The following WDR72 variants were observed in gnomAD, a reference collection of about 807,000 sequenced individuals.
The protein encoded by WDR72 is WD repeat domain 72.
WDR72 carries 120 observed loss-of-function variants against 124.2 expected under a neutral mutation model. The observed-to-expected ratio is 0.97, with a 90% CI of 0.83 to 1.12. The LOEUF (loss-of-function observed/expected upper bound fraction) is 1.12. Ranked by LOEUF, WDR72 falls within the 50% of genes most tolerant of loss-of-function variation. The probability of loss-of-function intolerance (pLI) is 0.00; values close to 1 mark genes in which losing one functional copy is unlikely to be tolerated. For missense variants in WDR72, 1,387 were observed against 1,278.8 expected, an observed-to-expected ratio of 1.08 and a Z score of -1.29; for synonymous variants, 452 against 441.7, an observed-to-expected ratio of 1.02 and a Z score of -0.29.
intron 14 of WDR72, among the ~76,000 whole-genome samples, chr15:53,656,299 G>C (rs689800): frequency 5.3e-5 from 8 of 152,142 alleles, no homozygotes; most frequent in Non-Finnish European, 1.2e-4. Context: ...CAGAGAACTG[G>C]TGGTGCCTTC....
chr15:53,596,096 T>A (rs1566975621), intron 18 of WDR72, among the ~76,000 whole-genome samples: 2 of 152,156 alleles, frequency 1.3e-5, no homozygotes. Context: ...AGATTTAACA[T>A]TTCATATGTA....
chr15:53,609,791 C>A (rs966469909), intron 16 of WDR72, among the ~76,000 whole-genome samples, 199 bp from the exon 17 acceptor site: 1 of 151,746 alleles, frequency 6.6e-6, no homozygotes, highest in Non-Finnish European at 1.5e-5. Context: ...GTAAAAGTGC[C>A]ACAGATGATT....
chr15:53,528,259 T>C (rs1892236587), intron 18 of WDR72, among the ~76,000 whole-genome samples: 1 of 152,076 alleles, frequency 6.6e-6, no homozygotes, highest in African/African-American at 2.4e-5. Context: ...AGAGTATCTA[T>C]TCAGATAATC....
intron 14 of WDR72, among the ~76,000 whole-genome samples, chr15:53,639,136 C>A (rs183939003): frequency 6.6e-6 from 1 of 152,112 alleles, no homozygotes; most frequent in African/African-American, 2.4e-5. Flanking sequence ...TCTTTCCCTT[C>A]TCTGAATCCC....
intron 18 of WDR72, among the ~76,000 whole-genome samples, chr15:53,561,923 C>T (rs1396386365): frequency 6.6e-6 from 1 of 151,696 alleles, no homozygotes; most frequent in Non-Finnish European, 1.5e-5. Flanking sequence ...TTTTGTTTAT[C>T]TTTTTATGGT....
At chr15:53,610,407 T>C (rs1410841511) in intron 16 of WDR72, among the ~76,000 whole-genome samples, 1 of 152,032 alleles carries the variant, frequency 6.6e-6, no homozygotes, top group Non-Finnish European at 1.5e-5. Context: ...TCCTGAGAGA[T>C]AGGGAAGACT....
At position 53,665,586 on chromosome 15, in the gene WDR72, C is replaced by T. The variant is rs892480310; in HGVS notation, c.1948G>A (p.Glu650Lys). 3.7e-6 allele frequency: 6 copies of T among 1,613,766 alleles called. No individual in the cohort carries two copies. Among genetic ancestry groups the T allele is most frequent in the Non-Finnish European group, 5.1e-6 (6 of 1,179,808 alleles). Residue 650 changes from glutamate to lysine, a missense_variant, in exon 14 of 20, where the codon GAG becomes AAG. Coordinates refer to ENST00000360509, the MANE Select transcript of WDR72 (RefSeq NM_182758.4). ...GPLPCPGLQV[E>K]SSCKVTDAKF... ...TTTGAACTTACCTTACATGAAGACT[C>T]CACCTGCAGACCAGGGCAAGGTAAT...
chr15:53,684,399 A>C (rs1292306607), intron 13 of WDR72: 2 of 153,806 alleles, frequency 1.3e-5, no homozygotes, highest in Non-Finnish European at 2.9e-5. Flanking sequence ...TCACTCGGGA[A>C]GCACAAGGGG....
intron 18 of WDR72, among the ~76,000 whole-genome samples, chr15:53,546,892 G>T (rs1307912025): frequency 6.6e-6 from 1 of 152,116 alleles, no homozygotes; most frequent in Admixed American, 6.5e-5. Flanking sequence ...TGAAAATCTA[G>T]ATTAAACAAG....
chr15:53,617,950 T>C (rs1440193908), intron 14 of WDR72, among the ~76,000 whole-genome samples: 3 of 152,016 alleles, frequency 2.0e-5, no homozygotes, highest in Non-Finnish European at 4.4e-5. Context: ...ACATGTTTTA[T>C]TTCTGGATCT....
At chr15:53,579,126 A>G (rs2011779054) in intron 18 of WDR72, among the ~76,000 whole-genome samples, 1 of 152,072 alleles carries the variant, frequency 6.6e-6, no homozygotes. Context: ...AGAGTAGACA[A>G]GTGCCAGGTG....
chr15:53,682,724 C>T (rs1287376251), intron 13 of WDR72, among the ~76,000 whole-genome samples: 1 of 152,132 alleles, frequency 6.6e-6, no homozygotes, highest in Non-Finnish European at 1.5e-5. Flanking sequence ...ATTCCAGTTC[C>T]CAACATATAC....
intron 14 of WDR72, among the ~76,000 whole-genome samples, chr15:53,617,418 G>A (rs954154401): frequency 1.3e-5 from 2 of 151,158 alleles, no homozygotes; most frequent in Non-Finnish European, 3.0e-5. Flanking sequence ...TTGTGTTTTT[G>A]GTTTGGTTTT....
chr15:53,525,964 TG>T (rs1190308829), intron 18 of WDR72, among the ~76,000 whole-genome samples: 3 of 152,046 alleles, frequency 2.0e-5, no homozygotes, highest in African/African-American at 7.2e-5. Flanking sequence ...ACTTTTTCCT[TG>T]TTTGTTTGAT....
intron 14 of WDR72, among the ~76,000 whole-genome samples, chr15:53,660,918 G>A (rs564582157): frequency 6.6e-6 from 1 of 152,242 alleles, no homozygotes; most frequent in Admixed American, 6.5e-5. Flanking sequence ...GAAAAGGGAG[G>A]TGTTGACTAT....
chr15:53,665,467 T>A (rs1264865607), intron 14 of WDR72, 105 bp downstream of exon 14: 80 of 1,294,878 alleles, frequency 6.2e-5, no homozygotes, highest in Non-Finnish European at 8.3e-5. Context: ...GTCTCTTAGT[T>A]CTTGTTTTCA....
In WDR72 at chr15:53,705,145, C is replaced by A. The variant is rs921800187; in HGVS notation, c.1191G>T (p.Gly397=). The A allele has an allele frequency of 1.9e-6, 3 of 1,613,920 alleles. No individual in the cohort carries two copies. In the African/African-American group the frequency reaches 4.0e-5, roughly 22 times the overall value. ...CAGCAGTTCCTGCCCCATCTTTAAG[C>A]CCAGAGAAATAGTCAATAATACTTT... The part of the protein sequence containing the change: ...MSQSIIDYFS[G]LKDGAGTAVV... Residue 397 remains glycine (G), a synonymous_variant, in exon 11 of 20, where the codon GGG becomes GGT. Transcript: ENST00000360509.
intron 18 of WDR72, among the ~76,000 whole-genome samples, chr15:53,528,306 T>C (rs994423490): frequency 2.0e-5 from 3 of 152,130 alleles, no homozygotes; most frequent in Non-Finnish European, 2.9e-5. Flanking sequence ...TGAATAGCAA[T>C]AGTTACATAT....
At chr15:53,575,020 C>T (rs1306065440) in intron 18 of WDR72, among the ~76,000 whole-genome samples, 1 of 151,540 alleles carries the variant, frequency 6.6e-6, no homozygotes, top group Non-Finnish European at 1.5e-5. Flanking sequence ...CACACACACA[C>T]ACACACACAC....
Sources: gnomAD v4.1 joint callset for allele counts (sites outside exome capture counted in the v4.1 genomes callset) on GRCh38, gnomAD v4.1.1 for gene constraint, MANE v1.5 for transcripts, NCBI Gene and HGNC (gene_info 2026-07-23, HGNC 2026-07-21) for gene names.